SULF2: variants seen among roughly 807,000 people sequenced by gnomAD.
SULF2 encodes extracellular sulfatase Sulf-2.
SULF2 carries 52 observed loss-of-function variants against 107.7 expected under a neutral mutation model. The ratio of observed to expected loss-of-function variants is 0.48; its 90% CI spans 0.39 to 0.61. The LOEUF (loss-of-function observed/expected upper bound fraction) is 0.61, where lower values mean the gene tolerates loss of function less well. Ranked by LOEUF, SULF2 falls within the 20% of genes least tolerant of loss-of-function variation. SULF2 has a pLI of 0.00. For missense variants in SULF2, 993 were observed against 1,177.3 expected (o/e 0.84, Z 2.29); for synonymous variants, 460 against 464.3 (o/e 0.99, Z 0.12).
At chr20:47,779,818 G>C (rs1202486860) in intron 1 of SULF2, among the ~76,000 whole-genome samples, 2 of 152,058 alleles carry the variant, frequency 1.3e-5, no homozygotes, top group Non-Finnish European at 2.9e-5. Context: ...TGTTGGCCAG[G>C]CTAGTCTTGA....
chr20:47,736,510 C>T (rs1020804840), intron 3 of SULF2, among the ~76,000 whole-genome samples, 193 bp downstream of exon 3: 1 of 152,214 alleles, frequency 6.6e-6, no homozygotes, highest in African/African-American at 2.4e-5. Context: ...CACTTTACAT[C>T]ACTACTGTAG....
At chr20:47,713,760 A>G (rs551433329) in intron 3 of SULF2, among the ~76,000 whole-genome samples, 25 of 70,152 alleles carry the variant, frequency 3.6e-4, no homozygotes, top group African/African-American at 8.3e-4. Context: ...TGAAAAAAAA[A>G]AAATAATAAA....
chr20:47,784,072 A>G (rs1361438959), intron 1 of SULF2, among the ~76,000 whole-genome samples: 2 of 152,112 alleles, frequency 1.3e-5, no homozygotes, highest in African/African-American at 4.8e-5. Flanking sequence ...AAATTTGGAG[A>G]GCGCGCAGAT....
intron 2 of SULF2, among the ~76,000 whole-genome samples, chr20:47,737,746 C>CTTTT (rs1555850608): frequency 1.8e-5 from 2 of 114,042 alleles, no homozygotes; most frequent in African/African-American, 6.6e-5. Flanking sequence ...TTGTTTCTTT[C>CTTTT]TTTTCTTTGT....
intron 3 of SULF2, among the ~76,000 whole-genome samples, chr20:47,725,818 GC>G (rs1257758718): frequency 6.6e-6 from 1 of 152,218 alleles, no homozygotes; most frequent in Non-Finnish European, 1.5e-5. Context: ...GACAGAGGAA[GC>G]CCCGCTCCCG....
chr20:47,745,382 GAAAAAAAAAAAAAAAAAA>G (rs1158560282), intron 2 of SULF2, among the ~76,000 whole-genome samples: 8,603 of 52,024 alleles, frequency 0.17, 634 homozygotes, highest in Middle Eastern at 0.32. Context: ...AGTTTTGAGG[GAAAAAAAAAAAAAAAAAA>G]AAAAAAAAAA....
At chr20:47,760,738 G>A (rs969037751) in intron 1 of SULF2, among the ~76,000 whole-genome samples, 1 of 152,212 alleles carries the variant, frequency 6.6e-6, no homozygotes, top group African/African-American at 2.4e-5. Flanking sequence ...GTGGCTCTGA[G>A]AGTCACAATT....
chr20:47,747,672 G>A (rs1001896672), intron 2 of SULF2, among the ~76,000 whole-genome samples: 1 of 152,148 alleles, frequency 6.6e-6, no homozygotes, highest in African/African-American at 2.4e-5. Context: ...CAGAGCTGCT[G>A]CCCAGCCACA....
chr20:47,705,102 A>G (rs1200789059), intron 3 of SULF2, among the ~76,000 whole-genome samples: 1 of 152,198 alleles, frequency 6.6e-6, no homozygotes, highest in African/African-American at 2.4e-5. Context: ...ATACAAGGCA[A>G]AGGGGAGCAC....
intron 5 of SULF2, among the ~76,000 whole-genome samples, chr20:47,688,031 G>A (rs1441308997): frequency 6.6e-6 from 1 of 151,890 alleles, no homozygotes; most frequent in Non-Finnish European, 1.5e-5. Flanking sequence ...GTGTGGGGGG[G>A]TGCATGGGGA....
chr20:47,695,564 T>C (rs1350631187), intron 4 of SULF2, among the ~76,000 whole-genome samples: 1 of 152,256 alleles, frequency 6.6e-6, no homozygotes, highest in East Asian at 1.9e-4. Context: ...TTTATTTCAC[T>C]TAGCATAATG....
intron 3 of SULF2, among the ~76,000 whole-genome samples, chr20:47,715,825 C>T (rs11696219): frequency 0.14 from 21,106 of 152,150 alleles, 1,697 homozygotes; most frequent in East Asian, 0.22. Context: ...GTGATCCACC[C>T]GCCTTGGCCT....
At position 47,694,941 on chromosome 20, in the gene SULF2, C is replaced by A. The variant is rs1467141044; in HGVS notation, c.568-4646G>T. ...CAGATAAGGAAGTGAGGTCCCCAAA[C>A]AAATAAGCCATGCATCCAGAGCTGG... is the stretch of plus-strand genomic sequence containing the variant. On this transcript the variant is annotated intron_variant, in intron 4 of 20. Coordinates refer to ENST00000688720, the MANE Select transcript of SULF2 (RefSeq NM_001387048.1). This position sits in a 1 kb window ranked among gnomAD's most constrained non-coding sequence, Gnocchi z 4.4. Among the ~76,000 whole-genome samples the A allele has an allele frequency of 6.6e-6, 1 of 152,230 alleles. No homozygotes were observed. The highest frequency in any genetic ancestry group is 6.5e-5 in the Admixed American group (1 of 15,282).
chr20:47,663,282 G>C, intron 16 of SULF2, 70 bp from the exon 17 acceptor site: 1 of 1,601,772 alleles, frequency 6.2e-7, no homozygotes. Context: ...AGTGATTCCT[G>C]TCAGGGACAG....
intron 3 of SULF2, among the ~76,000 whole-genome samples, chr20:47,707,785 T>C (rs1275653366): frequency 6.6e-6 from 1 of 152,208 alleles, no homozygotes; most frequent in Admixed American, 6.5e-5. Context: ...AATCACTTTC[T>C]TTATACCAGA....
intron 7 of SULF2, among the ~76,000 whole-genome samples, chr20:47,681,799 C>T: frequency 6.6e-6 from 1 of 152,222 alleles, no homozygotes; most frequent in East Asian, 1.9e-4. Flanking sequence ...GATTCTCCTG[C>T]CTCAGCCTCC....
chr20:47,671,784 G>A (rs532475252), intron 11 of SULF2, among the ~76,000 whole-genome samples: 2 of 152,122 alleles, frequency 1.3e-5, no homozygotes, highest in East Asian at 3.9e-4. Context: ...GCACAATCTC[G>A]GGTCACTGCA....
intron 9 of SULF2, 109 bp downstream of exon 9, chr20:47,676,969 C>T: frequency 8.0e-7 from 1 of 1,249,054 alleles, no homozygotes. Flanking sequence ...GGACCAACTT[C>T]AGAGCCATGG....
intron 3 of SULF2, among the ~76,000 whole-genome samples, chr20:47,706,281 C>CG (rs894444655): frequency 6.6e-5 from 10 of 151,948 alleles, no homozygotes; most frequent in African/African-American, 1.2e-4. Context: ...GCCCTCCATG[C>CG]GGGGGGGCTC....
Sources: gnomAD v4.1 joint callset for allele counts (sites outside exome capture counted in the v4.1 genomes callset) on GRCh38, gnomAD v4.1.1 for gene constraint, Gnocchi (gnomAD v3.1) non-coding constraint, MANE v1.5 for transcripts, NCBI Gene and HGNC (gene_info 2026-07-23, HGNC 2026-07-21) for gene names.